SYNE1: variants seen among roughly 807,000 people sequenced by gnomAD.
SYNE1 encodes the protein nesprin-1.
SYNE1 carries 616 observed loss-of-function variants against 1,111.0 expected under a neutral mutation model. The ratio of observed to expected loss-of-function variants is 0.55; its 90% CI spans 0.52 to 0.59. The LOEUF is 0.59. Ranked by LOEUF, SYNE1 falls within the 20% of genes least tolerant of loss-of-function variation. The pLI is 0.00. For synonymous variants in SYNE1, 3,855 were observed against 3,825.8 expected (o/e 1.01, Z -0.28); for missense variants, 10,006 against 10,417.0 (o/e 0.96, Z 1.72).
intron 56 of SYNE1, 23 bp downstream of exon 56, chr6:152,380,983 T>G (rs752710933): frequency 1.2e-6 from 2 of 1,608,868 alleles, no homozygotes; most frequent in African/African-American, 1.3e-5. Flanking sequence ...TAACCACCAA[T>G]AGAAAACAGG....
intron 40 of SYNE1, 52 bp downstream of exon 40, chr6:152,419,517 T>A (rs1592304814): frequency 6.4e-7 from 1 of 1,557,314 alleles, no homozygotes; most frequent in Admixed American, 2.0e-5. Flanking sequence ...ATTCAAGAAC[T>A]TTTTTATGAA....
In SYNE1 at chr6:152,399,670, A is replaced by G. The variant is rs1295510009; in HGVS notation, c.7183T>C (p.Leu2395=). Residue 2395 remains leucine, a synonymous_variant, in exon 48 of 146, where the codon TTG becomes CTG. Coordinates refer to ENST00000367255, the MANE Select transcript of SYNE1 (RefSeq NM_182961.4). The part of the protein sequence containing the change: ...LIKKHEAVSQ[L]CSKTQASLQE... ...AGGCTGGCCTGGGTTTTGGAGCACA[A>G]CTGGCTCACGGCTTCATGTTTCTTT... 6 of 1,614,142 alleles carry G rather than the reference A, an allele frequency of 3.7e-6. No homozygotes were observed. The highest frequency in any genetic ancestry group is 2.7e-5 in the African/African-American group (2 of 75,034).
chr6:152,369,238 T>A, intron 60 of SYNE1, 111 bp from the exon 61 acceptor site: 1 of 1,462,060 alleles, frequency 6.8e-7, no homozygotes, highest in Non-Finnish European at 9.3e-7. Context: ...CCGTGTACCC[T>A]GGAGGCTTTA....
chr6:152,330,068 C>A lies in SYNE1; in HGVS notation c.14617G>T (p.Gly4873Cys). 6.2e-7 allele frequency: 1 copy of A among 1,614,140 alleles called. No homozygotes were observed. The highest frequency in any genetic ancestry group is 8.5e-7 in the Non-Finnish European group (1 of 1,180,008). Residue 4873 changes from glycine (G) to cysteine (C), a missense_variant, in exon 78 of 146, where the codon GGT becomes TGT. Transcript: ENST00000367255. ...CTCTCACATTCTGTCACCGTCTCAC[C>A]AATGGCAGAAGTCAACAGTTTTAAC... ...GELKLLTSAI[G>C]ETVTECESRM... is the part of the protein sequence containing the mutation.
intron 127 of SYNE1, among the ~76,000 whole-genome samples, chr6:152,201,364 T>C (rs2075385264): frequency 6.6e-6 from 1 of 152,164 alleles, no homozygotes; most frequent in Non-Finnish European, 1.5e-5. Flanking sequence ...TGTGTCTCTA[T>C]GCAGTCACTG....
At chr6:152,398,534 AT>A (rs2097769127) in intron 49 of SYNE1, 84 bp downstream of exon 49, 1 of 1,124,544 alleles carries the variant, frequency 8.9e-7, no homozygotes. Context: ...CTCAGATAAG[AT>A]TTGGGAAATG....
chr6:152,552,304 G>A (rs936349964), intron 3 of SYNE1, among the ~76,000 whole-genome samples: 1 of 151,972 alleles, frequency 6.6e-6, no homozygotes, highest in Non-Finnish European at 1.5e-5. Flanking sequence ...TCTTAAGTAG[G>A]TTCAGGATTT....
chr6:152,237,802 CTTTTA>C (rs1458783143), intron 108 of SYNE1, among the ~76,000 whole-genome samples: 1 of 151,938 alleles, frequency 6.6e-6, no homozygotes, highest in Non-Finnish European at 1.5e-5. Flanking sequence ...TAAGTTCAGA[CTTTTA>C]TTTTATTTAA....
intron 40 of SYNE1, 47 bp downstream of exon 40, chr6:152,419,522 T>A: frequency 6.4e-7 from 1 of 1,561,452 alleles, no homozygotes; most frequent in Non-Finnish European, 8.7e-7. Context: ...AGAACTTTTT[T>A]ATGAAGAAAT....
At chr6:152,202,113 G>A (rs1235751667) in intron 126 of SYNE1, among the ~76,000 whole-genome samples, 164 bp from the exon 127 acceptor site, 7 of 152,006 alleles carry the variant, frequency 4.6e-5, no homozygotes, top group African/African-American at 1.2e-4. Context: ...TTGGGAGGCC[G>A]AGGCGGGTGG....
intron 130 of SYNE1, among the ~76,000 whole-genome samples, chr6:152,175,005 C>A (rs2066063163): frequency 6.6e-6 from 1 of 152,098 alleles, no homozygotes; most frequent in South Asian, 2.1e-4. Context: ...ACTAGCCTGG[C>A]AAACATGGTG....
intron 73 of SYNE1, 136 bp downstream of exon 73, chr6:152,346,923 C>T (rs2096647399): frequency 2.0e-6 from 2 of 998,364 alleles, no homozygotes; most frequent in Non-Finnish European, 2.9e-6. Flanking sequence ...GAAATTTATC[C>T]TCGTATTTCC....
intron 128 of SYNE1, among the ~76,000 whole-genome samples, chr6:152,188,316 T>C (rs1165754344): frequency 1.3e-5 from 2 of 152,218 alleles, no homozygotes; most frequent in Non-Finnish European, 2.9e-5. Context: ...TTCTTCATTA[T>C]GAGCCTTTGA....
chr6:152,164,798 C>T (rs2153032259), intron 130 of SYNE1, among the ~76,000 whole-genome samples: 1 of 152,244 alleles, frequency 6.6e-6, no homozygotes, highest in African/African-American at 2.4e-5. Flanking sequence ...ATTGCTGCTA[C>T]CTTTAGACTA....
At chr6:152,369,237 C>G (rs1034770165) in intron 60 of SYNE1, 110 bp from the exon 61 acceptor site, 1 of 1,461,062 alleles carries the variant, frequency 6.8e-7, no homozygotes, top group Non-Finnish European at 9.3e-7. Context: ...TCCGTGTACC[C>G]TGGAGGCTTT....
At position 152,268,177 on chromosome 6, in the gene SYNE1, A is replaced by C; in HGVS notation, c.18706-12T>G. The stretch of plus-strand genomic sequence containing the variant: ...TCCTGTTCTAACTCCTGCTCAAGGG[A>C]AAGGACAAACGCAAACACATTTGCT... On this transcript the variant is annotated splice_polypyrimidine_tract_variant and intron_variant, in intron 99 of 145. Transcript: ENST00000367255. The C allele has an allele frequency of 1.2e-6, 2 of 1,605,472 alleles. No individual in the cohort carries two copies. Among genetic ancestry groups the C allele is most frequent in the Non-Finnish European group, 1.7e-6 (2 of 1,172,090 alleles).
At chr6:152,326,157 C>T (rs1468852059) in intron 79 of SYNE1, 55 bp from the exon 80 acceptor site, 37 of 1,613,708 alleles carry the variant, frequency 2.3e-5, no homozygotes, top group South Asian at 6.6e-5. Context: ...TATTTCTACA[C>T]GAAGCTCTGG....
At chr6:152,363,785 G>A in intron 63 of SYNE1, 3 of 455,580 alleles carry the variant, frequency 6.6e-6, no homozygotes, top group South Asian at 4.7e-5. Flanking sequence ...CTGAGGGGCA[G>A]CCCTCAACTG....
intron 129 of SYNE1, among the ~76,000 whole-genome samples, chr6:152,176,936 TCAGA>T (rs1304990722): frequency 3.9e-5 from 6 of 152,146 alleles, no homozygotes; most frequent in South Asian, 2.1e-4. Flanking sequence ...GAATAAATTC[TCAGA>T]CAAATAGTTG....
Sources: gnomAD v4.1 joint callset for allele counts (sites outside exome capture counted in the v4.1 genomes callset) on GRCh38, gnomAD v4.1.1 for gene constraint, MANE v1.5 for transcripts, NCBI Gene and HGNC (gene_info 2026-07-23, HGNC 2026-07-21) for gene names.